ZCCHC7: variants seen among roughly 807,000 people sequenced by gnomAD.
ZCCHC7 encodes zinc finger CCHC-type containing 7, also known as zinc finger CCHC domain-containing protein 7.
In ZCCHC7, 35 loss-of-function variants were observed where a neutral mutation model predicts 52.0. That is an observed-to-expected ratio of 0.67 (90% CI 0.51 to 0.89). ZCCHC7 has a LOEUF of 0.89. Ranked by LOEUF, ZCCHC7 falls within the 40% of genes least tolerant of loss-of-function variation. The pLI, the probability that ZCCHC7 is intolerant of heterozygous loss-of-function variation, is 0.00. For synonymous variants in ZCCHC7, 217 were observed against 221.5 expected (o/e 0.98, Z 0.18); for missense variants, 574 against 649.1 (o/e 0.88, Z 1.26).
At chr9:37,262,741 TCC>T (rs1826926823) in intron 2 of ZCCHC7, among the ~76,000 whole-genome samples, 1 of 152,208 alleles carries the variant, frequency 6.6e-6, no homozygotes, top group Non-Finnish European at 1.5e-5. Context: ...CTGCTGTAGC[TCC>T]TTACTTTTCA....
At chr9:37,123,534 A>G (rs1842415425) in intron 1 of ZCCHC7, among the ~76,000 whole-genome samples, 1 of 152,184 alleles carries the variant, frequency 6.6e-6, no homozygotes, top group South Asian at 2.1e-4. Flanking sequence ...ATGGTTCTGT[A>G]GTTTATTTTT....
At chr9:37,281,790 C>T (rs143467957) in intron 2 of ZCCHC7, among the ~76,000 whole-genome samples, 10 of 152,300 alleles carry the variant, frequency 6.6e-5, no homozygotes, top group African/African-American at 2.2e-4. Context: ...TGTAACCAAC[C>T]TACTTACCTG....
At chr9:37,327,002 TA>T (rs1314744640) in intron 5 of ZCCHC7, 1 of 152,090 alleles carries the variant, frequency 6.6e-6, no homozygotes, top group Non-Finnish European at 1.5e-5. Flanking sequence ...GCAGCTTGGT[TA>T]GAAAAAGTGT....
At chr9:37,150,784 G>C (rs1820477037) in intron 2 of ZCCHC7, among the ~76,000 whole-genome samples, 1 of 152,052 alleles carries the variant, frequency 6.6e-6, no homozygotes. Flanking sequence ...TTTGTTTTAT[G>C]AGTTTTTAAA....
chr9:37,286,922 CT>C (rs1828256257), intron 2 of ZCCHC7, among the ~76,000 whole-genome samples: 1 of 2,508 alleles, frequency 4.0e-4, no homozygotes, highest in Non-Finnish European at 7.3e-4. Flanking sequence ...CCTCCCTCCC[CT>C]CCCACCTCCC....
chr9:37,278,178 G>C (rs543960267), intron 2 of ZCCHC7, among the ~76,000 whole-genome samples: 10 of 152,064 alleles, frequency 6.6e-5, no homozygotes, highest in African/African-American at 2.2e-4. Context: ...TTTCACTTCA[G>C]CCTGCCAAGT....
chr9:37,185,199 T>C (rs1399125456), intron 2 of ZCCHC7, among the ~76,000 whole-genome samples: 4 of 152,198 alleles, frequency 2.6e-5, no homozygotes, highest in Non-Finnish European at 5.9e-5. Flanking sequence ...TTTTATTGTA[T>C]TTTAAAGTCC....
chr9:37,221,336 A>G (rs1824798887), intron 2 of ZCCHC7, among the ~76,000 whole-genome samples: 1 of 152,202 alleles, frequency 6.6e-6, no homozygotes, highest in African/African-American at 2.4e-5. Context: ...GAAAAGGAGA[A>G]AGAAGAATGG....
chr9:37,219,535 G>A (rs1824702181), intron 2 of ZCCHC7, among the ~76,000 whole-genome samples: 1 of 152,016 alleles, frequency 6.6e-6, no homozygotes, highest in Admixed American at 6.6e-5. Flanking sequence ...TAATCTTCAG[G>A]GATTATGTTT....
At chr9:37,304,398 A>G in intron 4 of ZCCHC7, 85 bp downstream of exon 4, 1 of 1,500,154 alleles carries the variant, frequency 6.7e-7, no homozygotes, top group Non-Finnish European at 9.1e-7. Context: ...TCATGCCTGT[A>G]ATCCCAGCAC....
chr9:37,300,902 TACAAG>T (rs1477002990), intron 2 of ZCCHC7, among the ~76,000 whole-genome samples: 2 of 152,192 alleles, frequency 1.3e-5, no homozygotes, highest in Non-Finnish European at 2.9e-5. Flanking sequence ...AAATAGCTGA[TACAAG>T]AAAATGTGGG....
chr9:37,357,473 A>G lies in ZCCHC7; in HGVS notation c.*205A>G. 1 of 394,818 alleles carries G rather than the reference A, an allele frequency of 2.5e-6. No individual in the cohort carries two copies. The highest frequency in any genetic ancestry group is 3.9e-5 in the East Asian group (1 of 25,892). The allele number at this position is 394,818 out of a possible 1,614,324, so 24.5% of individuals were successfully genotyped here. A position where few individuals can be genotyped will look rare whatever the true frequency, so the allele number is the denominator to read the frequency against. ...ACAGGATATTAGGTAAGAAAGTACAAAGATAAACCTGGACTTCTCCTATTC... is the reference window on the plus strand; with the variant it reads ...ACAGGATATTAGGTAAGAAAGTACAGAGATAAACCTGGACTTCTCCTATTC... On this transcript the variant is annotated 3_prime_UTR_variant, in exon 9 of 9. Coordinates refer to ENST00000336755, the MANE Select transcript of ZCCHC7 (RefSeq NM_032226.3).
intron 2 of ZCCHC7, among the ~76,000 whole-genome samples, chr9:37,162,139 T>G (rs542783711): frequency 4.6e-5 from 7 of 152,314 alleles, no homozygotes; most frequent in Admixed American, 3.3e-4. Flanking sequence ...GTGGTACTTT[T>G]GTAAACTTTA....
chr9:37,332,729 A>G (rs1239498412), intron 6 of ZCCHC7, among the ~76,000 whole-genome samples: 2 of 151,630 alleles, frequency 1.3e-5, no homozygotes, highest in Non-Finnish European at 3.0e-5. Context: ...ATCAATCTCA[A>G]TAAATGAGAT....
At chr9:37,342,503 G>A (rs1471948781) in intron 6 of ZCCHC7, among the ~76,000 whole-genome samples, 1 of 152,200 alleles carries the variant, frequency 6.6e-6, no homozygotes, top group Middle Eastern at 3.2e-3. Context: ...ATTCAATAGA[G>A]AAGAAAAGCA....
chr9:37,185,258 T>A lies in ZCCHC7; in HGVS notation c.610+58316T>A, dbSNP rs530203550. ...GGTACACATACTATAGGTGATCACC[T>A]CCTATCCCTTAGGAGTTGTGATCAT... On this transcript the variant is annotated intron_variant, in intron 2 of 8. Coordinates refer to ENST00000336755, the MANE Select transcript of ZCCHC7 (RefSeq NM_032226.3). 3.3e-5 allele frequency among the ~76,000 whole-genome samples: 5 copies of A among 152,284 alleles called. No individual in the cohort carries two copies. In the East Asian group the frequency reaches 7.7e-4, roughly 23 times the overall value.
At chr9:37,131,551 A>C (rs1281620325) in intron 2 of ZCCHC7, among the ~76,000 whole-genome samples, 1 of 152,126 alleles carries the variant, frequency 6.6e-6, no homozygotes, top group Non-Finnish European at 1.5e-5. Flanking sequence ...AGGCTGAGGA[A>C]GGAGAATTGC....
chr9:37,255,717 C>T (rs917802002), intron 2 of ZCCHC7, among the ~76,000 whole-genome samples: 2 of 152,130 alleles, frequency 1.3e-5, no homozygotes, highest in African/African-American at 4.8e-5. Context: ...TCATAGTGCT[C>T]TATCAGCCCT....
chr9:37,172,148 G>A (rs1206792272), intron 2 of ZCCHC7, among the ~76,000 whole-genome samples: 1 of 152,144 alleles, frequency 6.6e-6, no homozygotes, highest in Non-Finnish European at 1.5e-5. Flanking sequence ...AAATTCATAA[G>A]GGATTATTTG....
Sources: allele counts gnomAD v4.1 joint callset (sites outside exome capture counted in the v4.1 genomes callset), GRCh38; gene constraint gnomAD v4.1.1; transcripts MANE v1.5; gene names NCBI Gene and HGNC (gene_info 2026-07-23, HGNC 2026-07-21).